Variants in SLCO1B3 observed in about 807,000 individuals in gnomAD.
SLCO1B3 encodes the protein solute carrier organic anion transporter family member 1B3.
SLCO1B3 carries 72 observed loss-of-function variants against 71.8 expected under a neutral mutation model. The observed-to-expected ratio is 1.00, with a 90% CI of 0.83 to 1.22. The LOEUF is 1.22. SLCO1B3 is among the 50% of genes most tolerant of loss of function. The pLI, the probability that SLCO1B3 is intolerant of heterozygous loss-of-function variation, is 0.00. For synonymous variants in SLCO1B3, 298 were observed against 278.4 expected (o/e 1.07, Z -0.70); for missense variants, 911 against 819.7 (o/e 1.11, Z -1.36).
chr12:20,880,573 T>C (rs1331167880), intron 11 of SLCO1B3, among the ~76,000 whole-genome samples: 1 of 152,092 alleles, frequency 6.6e-6, no homozygotes, highest in Non-Finnish European at 1.5e-5. Context: ...TAACCTCTTT[T>C]ATTTCTTTTT....
In SLCO1B3 at chr12:20,878,043, A is replaced by C. The variant is rs145899325; in HGVS notation, c.1135+107A>C. On this transcript the variant is annotated intron_variant, in intron 10 of 15. Transcript: ENST00000381545. The stretch of plus-strand genomic sequence containing the variant: ...GGTGATTTTATATTTTACTAAATGT[A>C]ATCTTATTATGTCTCAAACTTTACA... The C allele has an allele frequency of 1.5e-3, 1,127 of 741,608 alleles. 7 individuals are homozygous for C. The African/African-American group carries it at 0.016, about 11-fold the overall frequency. The allele number at this position is 741,608 out of a possible 1,614,324, so 45.9% of individuals were successfully genotyped here.
At chr12:20,905,773 C>T (rs963898726) in intron 15 of SLCO1B3, among the ~76,000 whole-genome samples, 3 of 152,218 alleles carry the variant, frequency 2.0e-5, no homozygotes, top group Non-Finnish European at 4.4e-5. Context: ...TAGGAAGTTT[C>T]AATCTTTCCC....
chr12:20,849,025 G>T (rs759253986), intron 3 of SLCO1B3, among the ~76,000 whole-genome samples: 1 of 152,066 alleles, frequency 6.6e-6, no homozygotes, highest in Non-Finnish European at 1.5e-5. Context: ...CACACCAATA[G>T]AAGGTAAACA....
intron 3 of SLCO1B3, among the ~76,000 whole-genome samples, chr12:20,823,168 T>C (rs1042430674): frequency 5.9e-5 from 9 of 152,202 alleles, no homozygotes; most frequent in Admixed American, 5.9e-4. Flanking sequence ...GTGTTGTCAG[T>C]AGGCACATAT....
At chr12:20,899,106 G>T (rs935791754) in intron 14 of SLCO1B3, among the ~76,000 whole-genome samples, 1 of 152,188 alleles carries the variant, frequency 6.6e-6, no homozygotes, top group Non-Finnish European at 1.5e-5. Context: ...GTGGTTTATG[G>T]TGGCAAGGGT....
chr12:20,817,228 T>G (rs1193628512), intron 3 of SLCO1B3, among the ~76,000 whole-genome samples: 2 of 152,210 alleles, frequency 1.3e-5, no homozygotes, highest in Admixed American at 1.3e-4. Flanking sequence ...TGTCAATTTT[T>G]CTTTGGTTGC....
At chr12:20,856,220 A>G (rs1865132875) in intron 4 of SLCO1B3, among the ~76,000 whole-genome samples, 1 of 152,162 alleles carries the variant, frequency 6.6e-6, no homozygotes. Flanking sequence ...CAGCTATTTA[A>G]CAGCAATTAT....
Position 20,843,713 on chromosome 12 carries a change from G to A in SLCO1B3, c.85-11315G>A, listed in dbSNP as rs533306579. Reference sequence around the variant, plus strand: ...GGAGAATGGCATGAACCCTGGAGGCGGAGCTTGCAGTGAGCTGAGATTGTG... The same window carrying A: ...GGAGAATGGCATGAACCCTGGAGGCAGAGCTTGCAGTGAGCTGAGATTGTG... On this transcript the variant is annotated intron_variant, in intron 3 of 15. Transcript: ENST00000381545. Among the ~76,000 whole-genome samples the A allele has an allele frequency of 4.6e-5, 7 of 151,694 alleles. No individual in the cohort carries two copies. In the East Asian group the frequency reaches 9.7e-4, roughly 21 times the overall value.
intron 8 of SLCO1B3, among the ~76,000 whole-genome samples, chr12:20,870,656 T>G (rs1326639872): frequency 1.3e-5 from 2 of 152,206 alleles, no homozygotes; most frequent in African/African-American, 4.8e-5. Context: ...TTCTCTGGGC[T>G]CTGTATTCCA....
chr12:20,871,327 T>C (rs1168676351), intron 8 of SLCO1B3, among the ~76,000 whole-genome samples: 1 of 152,190 alleles, frequency 6.6e-6, no homozygotes, highest in Non-Finnish European at 1.5e-5. Context: ...TATCTTGAAT[T>C]TCTCTGAGTT....
At chr12:20,914,546 A>G (rs950110007) in intron 15 of SLCO1B3, among the ~76,000 whole-genome samples, 2 of 152,070 alleles carry the variant, frequency 1.3e-5, no homozygotes, top group Non-Finnish European at 2.9e-5. Flanking sequence ...AAAGAAACTG[A>G]TTTCTATTAA....
chr12:20,822,137 G>A (rs1864324541), intron 3 of SLCO1B3, among the ~76,000 whole-genome samples: 1 of 152,160 alleles, frequency 6.6e-6, no homozygotes, highest in African/African-American at 2.4e-5. Context: ...GGAGGACGGG[G>A]GATTGATCTC....
At chr12:20,896,726 T>C (rs1866013557) in intron 13 of SLCO1B3, among the ~76,000 whole-genome samples, 1 of 152,216 alleles carries the variant, frequency 6.6e-6, no homozygotes, top group Admixed American at 6.5e-5. Flanking sequence ...TTTTCAGGTA[T>C]CTTTTTAGCA....
chr12:20,830,430 G>C (rs1262406895), intron 3 of SLCO1B3, among the ~76,000 whole-genome samples: 1 of 152,124 alleles, frequency 6.6e-6, no homozygotes, highest in Non-Finnish European at 1.5e-5. Context: ...TCACAATTCT[G>C]AATCCACAGG....
At chr12:20,884,745 A>G (rs914684410) in intron 13 of SLCO1B3, among the ~76,000 whole-genome samples, 2 of 152,010 alleles carry the variant, frequency 1.3e-5, no homozygotes, top group Non-Finnish European at 2.9e-5. Context: ...TCGGAAGTTC[A>G]TGGCCAGCCA....
intron 3 of SLCO1B3, among the ~76,000 whole-genome samples, chr12:20,826,596 A>G (rs1864427059): frequency 6.6e-6 from 1 of 151,616 alleles, no homozygotes; most frequent in Non-Finnish European, 1.5e-5. Flanking sequence ...AAACCTTATT[A>G]CAATTTATAC....
chr12:20,844,168 C>T (rs931205053), intron 3 of SLCO1B3, among the ~76,000 whole-genome samples: 6 of 151,262 alleles, frequency 4.0e-5, no homozygotes, highest in Non-Finnish European at 1.5e-5. Flanking sequence ...TATATATACA[C>T]CTTAAACTTT....
Position 20,861,126 on chromosome 12 carries a change from A to G in SLCO1B3, c.469A>G (p.Ile157Val). ...ATCATTCAATGGAACATCACCTGAG[A>G]TAGTAGAAAAAGGTAAGAATTAATA... ...TLSFNGTSPE[I>V]VEKDCVKESG... Residue 157 changes from isoleucine to valine, a missense_variant, in exon 6 of 16, where the codon ATA becomes GTA. Ile to Val is a conservative substitution (Grantham distance 29). Transcript: ENST00000381545. 1 of 1,585,254 alleles carries G rather than the reference A, an allele frequency of 6.3e-7. No homozygotes were observed.
intron 11 of SLCO1B3, 131 bp from the exon 12 acceptor site, chr12:20,880,724 T>C (rs1865673459): frequency 3.5e-6 from 2 of 565,394 alleles, no homozygotes; most frequent in Admixed American, 4.0e-5. Flanking sequence ...CTTTCTCTTA[T>C]TTCTCTTCTC....
Sources: allele counts gnomAD v4.1 joint callset (sites outside exome capture counted in the v4.1 genomes callset), GRCh38; gene constraint gnomAD v4.1.1; transcripts MANE v1.5; gene names NCBI Gene and HGNC (gene_info 2026-07-23, HGNC 2026-07-21).